The following FNDC1 variants were observed in gnomAD, a reference collection of about 807,000 sequenced individuals.
FNDC1 encodes fibronectin type III domain containing 1.
In FNDC1, 96 loss-of-function variants were observed where a neutral mutation model predicts 168.0. The ratio of observed to expected loss-of-function variants is 0.57; its 90% CI spans 0.48 to 0.68. The LOEUF (loss-of-function observed/expected upper bound fraction) is 0.68, where lower values mean the gene tolerates loss of function less well. Among genes scored for constraint, FNDC1 ranks in the 30% least tolerant of loss-of-function variants. The pLI, the probability that FNDC1 is intolerant of heterozygous loss-of-function variation, is 0.00. For synonymous variants in FNDC1, 1,099 were observed against 1,025.9 expected (o/e 1.07, Z -1.36); for missense variants, 2,587 against 2,482.1 (o/e 1.04, Z -0.90).
rs1373600109 is a variant in FNDC1 at position 159,186,491 on chromosome 6, AG to A, written c.110-10939del. ...TTGGGAGCCAATTCCTGAGGTCCCTAGAGGCAAAAGTGAGCTGCCCAGGTAC... is the reference window on the plus strand; with the variant it reads ...TTGGGAGCCAATTCCTGAGGTCCCTAAGGCAAAAGTGAGCTGCCCAGGTAC... On this transcript the variant is annotated intron_variant, in intron 1 of 22. Coordinates refer to ENST00000297267, the MANE Select transcript of FNDC1 (RefSeq NM_032532.3). 1.4e-4 allele frequency among the ~76,000 whole-genome samples: 21 copies of A among 152,342 alleles called. 1 individual carries two copies. Among genetic ancestry groups the A allele is most frequent in the Admixed American group, 1.4e-3 (21 of 15,306 alleles).
intron 10 of FNDC1, among the ~76,000 whole-genome samples, chr6:159,230,759 A>G (rs942415825): frequency 1.3e-5 from 2 of 152,142 alleles, no homozygotes; most frequent in African/African-American, 4.8e-5. Context: ...ATTATGTGCT[A>G]TGAAGACCCA....
intron 5 of FNDC1, among the ~76,000 whole-genome samples, chr6:159,217,300 T>C (rs559828450): frequency 6.6e-6 from 1 of 152,210 alleles, no homozygotes; most frequent in East Asian, 1.9e-4. Flanking sequence ...AGCACTTGCT[T>C]GGACGGAAGC....
In FNDC1 at chr6:159,232,625, G is replaced by A. The variant is rs1015882110; in HGVS notation, c.2113G>A (p.Ala705Thr). ...GGCCCGGAGGACCCCCCATTCAGGG[G>A]CCGCAGAGGAAGATTCCAGTGCCTC... ...SPARRTPHSG[A>T]AEEDSSASAP... Residue 705 changes from alanine (A) to threonine (T), a missense_variant, in exon 11 of 23, where the codon GCC becomes ACC. By Grantham distance (58) the Ala-to-Thr change is moderately conservative. Transcript: ENST00000297267. This position sits in a 1 kb window ranked among gnomAD's most constrained non-coding sequence, Gnocchi z 4.9. The A allele has an allele frequency of 3.7e-6, 6 of 1,610,764 alleles. No homozygotes were observed. Among genetic ancestry groups the A allele is most frequent in the Non-Finnish European group, 3.4e-6 (4 of 1,177,944 alleles).
chr6:159,256,427 C>A, intron 17 of FNDC1, 96 bp from the exon 18 acceptor site: 1 of 845,606 alleles, frequency 1.2e-6, no homozygotes, highest in Non-Finnish European at 2.0e-6. Flanking sequence ...GGAGCTGCAT[C>A]TGCAGCTTTG....
chr6:159,271,413 T>C lies in FNDC1; in HGVS notation c.5656T>C (p.Cys1886Arg). 1 of 1,611,052 alleles carries C rather than the reference T, an allele frequency of 6.2e-7. No individual in the cohort carries two copies. Among genetic ancestry groups the C allele is most frequent in the Non-Finnish European group, 8.5e-7 (1 of 1,178,808 alleles). ...CTACTACTATGTGGGCTGGTACGAG[T>C]GTGGGGTCTCCATCCCTGGAAAGTG... ...TPYYYVGWYECGVSIPGKW is the reference protein window; with the variant it reads ...TPYYYVGWYERGVSIPGKW Residue 1886 changes from cysteine (C) to arginine (R), a missense_variant, in exon 23 of 23, where the codon TGT (cysteine) becomes CGT (arginine). By Grantham distance (180) the Cys-to-Arg change is radical. Coordinates refer to ENST00000297267, the MANE Select transcript of FNDC1 (RefSeq NM_032532.3).
At position 159,258,297 on chromosome 6, in the gene FNDC1, T is replaced by A. The variant is rs556038398; in HGVS notation, c.5174+1666T>A. Among the ~76,000 whole-genome samples the A allele has an allele frequency of 1.8e-3, 276 of 152,244 alleles. 1 individual carries two copies. Among genetic ancestry groups the A allele is most frequent in the Non-Finnish European group, 3.1e-3 (209 of 68,008 alleles). On this transcript the variant is annotated intron_variant, in intron 18 of 22. Coordinates refer to ENST00000297267, the MANE Select transcript of FNDC1 (RefSeq NM_032532.3). ...AGTCTGGTAGAAGAGGCAGATTTTT[T>A]AAAAAACAACATAAATATAAACCTC... is the stretch of plus-strand genomic sequence containing the variant.
At position 159,225,739 on chromosome 6, in the gene FNDC1, GC is replaced by G. The variant is rs760387065; in HGVS notation, c.1072+19del. ...CAGAATCTGGTCTGTATTTGAAATG[GC>G]CTTTGAATTTTCAATTTGGGAATTA... On this transcript the variant is annotated intron_variant, in intron 8 of 22. Transcript: ENST00000297267. 2 of 1,567,696 alleles carry G rather than the reference GC, an allele frequency of 1.3e-6. No homozygotes were observed. Among genetic ancestry groups the G allele is most frequent in the East Asian group, 4.5e-5 (2 of 44,066 alleles).
chr6:159,232,552 T>C lies in FNDC1; in HGVS notation c.2040T>C (p.Val680=). Residue 680 remains valine, a synonymous_variant, in exon 11 of 23, where the codon GTT becomes GTC. Transcript: ENST00000297267. This position sits in a 1 kb window ranked among gnomAD's most constrained non-coding sequence, Gnocchi z 4.9. ...CCAGCCGCCAGTCCCCGTCCAGCGT[T>C]CTCCGCGACAGAAGCTCTGTGCACC... ...LSPSRQSPSS[V]LRDRSSVHPG... The C allele has an allele frequency of 6.2e-7, 1 of 1,611,950 alleles. No homozygotes were observed. Among genetic ancestry groups the C allele is most frequent in the Non-Finnish European group, 8.5e-7 (1 of 1,179,064 alleles).
chr6:159,199,716 T>C (rs755659561), intron 2 of FNDC1, among the ~76,000 whole-genome samples: 4 of 152,210 alleles, frequency 2.6e-5, no homozygotes, highest in Admixed American at 6.5e-5. Context: ...GCTCTTTTTG[T>C]TGAGTGTTGA....
Position 159,271,580 on chromosome 6 carries a change from A to T in FNDC1, c.*138A>T. On this transcript the variant is annotated 3_prime_UTR_variant, in exon 23 of 23. Coordinates refer to ENST00000297267, the MANE Select transcript of FNDC1 (RefSeq NM_032532.3). ...GGAAGGTCATAGATGGACACTGGCC[A>T]TTCTGGTCATCTCAGTCTGGAACTC... 1 of 638,682 alleles carries T rather than the reference A, an allele frequency of 1.6e-6. No individual in the cohort carries two copies. The highest frequency in any genetic ancestry group is 2.4e-5 in the Admixed American group (1 of 42,210). The allele number at this position is 638,682 out of a possible 1,614,324, so 39.6% of individuals were successfully genotyped here.
intron 14 of FNDC1, among the ~76,000 whole-genome samples, chr6:159,245,645 A>G (rs1023786858): frequency 3.9e-5 from 6 of 152,174 alleles, no homozygotes; most frequent in Non-Finnish European, 7.3e-5. Flanking sequence ...TACCCTGATA[A>G]TGGAGGTGAA....
intron 21 of FNDC1, among the ~76,000 whole-genome samples, chr6:159,266,501 T>C (rs1777596207): frequency 6.6e-6 from 1 of 152,264 alleles, no homozygotes; most frequent in East Asian, 1.9e-4. Flanking sequence ...TCGCAGCACT[T>C]TGGGAGGCCG....
At chr6:159,197,727 A>C in intron 2 of FNDC1, 102 bp downstream of exon 2, 2 of 1,088,430 alleles carry the variant, frequency 1.8e-6, no homozygotes, top group East Asian at 2.5e-5. Flanking sequence ...GGCTGGGCTC[A>C]AGGTCCCTTA....
intron 1 of FNDC1, among the ~76,000 whole-genome samples, chr6:159,191,148 T>G (rs1447935312): frequency 6.6e-6 from 1 of 152,178 alleles, no homozygotes; most frequent in Non-Finnish European, 1.5e-5. Context: ...GGGACAGCAC[T>G]AGGGGGATAG....
intron 5 of FNDC1, among the ~76,000 whole-genome samples, chr6:159,221,383 C>G (rs902995212): frequency 5.3e-5 from 8 of 152,128 alleles, no homozygotes; most frequent in Non-Finnish European, 2.9e-5. Flanking sequence ...AATCAGTTCC[C>G]TATTTTCTAA....
At chr6:159,222,399 T>C (rs1175919514) in intron 6 of FNDC1, among the ~76,000 whole-genome samples, 1 of 152,242 alleles carries the variant, frequency 6.6e-6, no homozygotes, top group Non-Finnish European at 1.5e-5. Flanking sequence ...TGCCATAGGA[T>C]GAGTCCCTAT....
chr6:159,216,868 G>T (rs2114969892), intron 5 of FNDC1, among the ~76,000 whole-genome samples: 1 of 152,360 alleles, frequency 6.6e-6, no homozygotes, highest in Non-Finnish European at 1.5e-5. Context: ...GGATGTGATT[G>T]ATTGGGCCTT....
chr6:159,194,660 A>G (rs777658431), intron 1 of FNDC1, among the ~76,000 whole-genome samples: 8 of 152,192 alleles, frequency 5.3e-5, no homozygotes, highest in South Asian at 2.1e-4. Flanking sequence ...CTTCAAAACA[A>G]TGATCGGGAA....
intron 5 of FNDC1, among the ~76,000 whole-genome samples, chr6:159,219,270 A>G (rs544790412): frequency 2.1e-4 from 32 of 152,252 alleles, no homozygotes; most frequent in African/African-American, 7.2e-4. Context: ...CGAACTCCTG[A>G]CCTCAAATGA....
Sources: allele counts gnomAD v4.1 joint callset (sites outside exome capture counted in the v4.1 genomes callset), GRCh38; gene constraint gnomAD v4.1.1; non-coding constraint Gnocchi (gnomAD v3.1); transcripts MANE v1.5; gene names NCBI Gene and HGNC (gene_info 2026-07-23, HGNC 2026-07-21).